The following GPR149 variants were observed in gnomAD, a reference collection of about 807,000 sequenced individuals.
The protein encoded by GPR149 is probable G protein-coupled receptor 149.
Under a neutral mutation model 50.2 loss-of-function variants are expected in GPR149, and 50 were observed. The observed-to-expected ratio is 1.00, with a 90% CI of 0.79 to 1.26. The LOEUF (loss-of-function observed/expected upper bound fraction) is 1.26. Among genes scored for constraint, GPR149 ranks in the 50% most tolerant of loss-of-function variants. The pLI, the probability that GPR149 is intolerant of heterozygous loss-of-function variation, is 0.00. For missense variants in GPR149, 983 were observed against 895.4 expected (o/e 1.10, Z -1.25); for synonymous variants, 405 against 358.2 (o/e 1.13, Z -1.48).
intron 3 of GPR149, among the ~76,000 whole-genome samples, chr3:154,340,999 C>T (rs954811776): frequency 6.6e-6 from 1 of 152,116 alleles, no homozygotes. Flanking sequence ...GGATTACAGG[C>T]GTGAGCCATC....
intron 3 of GPR149, among the ~76,000 whole-genome samples, chr3:154,361,868 G>T (rs1714414688): frequency 6.6e-6 from 1 of 152,108 alleles, no homozygotes; most frequent in Non-Finnish European, 1.5e-5. Flanking sequence ...GTCTTAGATT[G>T]GTGCTGAACT....
chr3:154,427,749 A>C, intron 1 of GPR149, 41 bp from the exon 2 acceptor site: 1 of 1,552,270 alleles, frequency 6.4e-7, no homozygotes, highest in Non-Finnish European at 8.7e-7. Flanking sequence ...CTAAAATTAT[A>C]CTTTGTACTT....
In GPR149 at chr3:154,421,156, A is replaced by G; in HGVS notation, c.1506T>C (p.Tyr502=). ...FSDKTGGDIN[Y]EETTFSEGPE... is the part of the protein sequence containing the mutation. ...GCCCTTCAGAAAAGGTAGTTTCTTCATAGTTAATATCACCTCCTGTTTTGT... is the reference window on the plus strand; with the variant it reads ...GCCCTTCAGAAAAGGTAGTTTCTTCGTAGTTAATATCACCTCCTGTTTTGT... Residue 502 remains tyrosine, a synonymous_variant, in exon 3 of 4, where the codon TAT becomes TAC. Transcript: ENST00000389740. 6.2e-7 allele frequency: 1 copy of G among 1,613,436 alleles called. No homozygotes were observed. The highest frequency in any genetic ancestry group is 8.5e-7 in the Non-Finnish European group (1 of 1,179,558).
In GPR149 at chr3:154,420,873, C is replaced by T. The variant is rs1712121232; in HGVS notation, c.1623+166G>A. Among the ~76,000 whole-genome samples the T allele has an allele frequency of 2.0e-5, 3 of 151,810 alleles. No homozygotes were observed. The South Asian group carries it at 6.2e-4, about 31-fold the overall frequency. ...AACTGATTAAAAGAATTAAAAAGTCCTTCAAAAGAGACCTTGAAATAAAAT... is the reference window on the plus strand; with the variant it reads ...AACTGATTAAAAGAATTAAAAAGTCTTTCAAAAGAGACCTTGAAATAAAAT... On this transcript the variant is annotated intron_variant, in intron 3 of 3. Transcript: ENST00000389740.
chr3:154,341,994 C>A (rs1051698488), intron 3 of GPR149, among the ~76,000 whole-genome samples: 1 of 152,102 alleles, frequency 6.6e-6, no homozygotes, highest in South Asian at 2.1e-4. Flanking sequence ...AAACTTCTTA[C>A]ATATTATTAG....
intron 3 of GPR149, among the ~76,000 whole-genome samples, chr3:154,417,211 A>G (rs1172956891): frequency 6.6e-6 from 1 of 152,020 alleles, no homozygotes; most frequent in African/African-American, 2.4e-5. Flanking sequence ...TTTCTTCTGA[A>G]CTTTCAAAAT....
In GPR149 at chr3:154,428,541, C is replaced by T. The variant is rs1318232073; in HGVS notation, c.981+94G>A. ...TGGAAGCGGACTTCACTGTGTGTCT[C>T]TTGGTGACTCCCCAAACCGGCGACG... is the stretch of plus-strand genomic sequence containing the variant. On this transcript the variant is annotated intron_variant, in intron 1 of 3. Transcript: ENST00000389740. 3 of 1,379,168 alleles carry T rather than the reference C, an allele frequency of 2.2e-6. No individual in the cohort carries two copies. In the African/African-American group the frequency reaches 4.4e-5, roughly 20 times the overall value. 85.4% of individuals were successfully genotyped at this position (1,379,168 alleles called of 1,614,324 possible). A position where few individuals can be genotyped will look rare whatever the true frequency, so the allele number is the denominator to read the frequency against.
chr3:154,380,351 G>A (rs992446573), intron 3 of GPR149, among the ~76,000 whole-genome samples: 16 of 152,040 alleles, frequency 1.1e-4, no homozygotes, highest in Admixed American at 6.6e-4. Flanking sequence ...AAAAATTATT[G>A]TTTGGTGTAA....
chr3:154,355,360 T>C (rs1714194152), intron 3 of GPR149, among the ~76,000 whole-genome samples: 1 of 152,234 alleles, frequency 6.6e-6, no homozygotes, highest in African/African-American at 2.4e-5. Flanking sequence ...TGTATTCTCA[T>C]ATTTTCAATT....
rs1377173040 is a variant in GPR149, at chr3:154,380,513, C to T, written c.1623+40526G>A. 3.9e-5 allele frequency among the ~76,000 whole-genome samples: 6 copies of T among 152,166 alleles called. 1 individual carries two copies. Among genetic ancestry groups the T allele is most frequent in the Admixed American group, 3.9e-4 (6 of 15,266 alleles). Reference sequence around the variant, plus strand: ...CGGAACTGCCTCTACACTATTCCTACATTTATATGATTGCACTAAATTATT... The same window carrying T: ...CGGAACTGCCTCTACACTATTCCTATATTTATATGATTGCACTAAATTATT... On this transcript the variant is annotated intron_variant, in intron 3 of 3. Coordinates refer to ENST00000389740, the MANE Select transcript of GPR149 (RefSeq NM_001038705.3).
intron 3 of GPR149, among the ~76,000 whole-genome samples, chr3:154,372,919 A>C (rs1576911190): frequency 6.6e-6 from 1 of 152,150 alleles, no homozygotes; most frequent in East Asian, 1.9e-4. Flanking sequence ...TGGGTTCAGG[A>C]GAAGATAATA....
At chr3:154,422,214 T>A (rs1019939502) in intron 2 of GPR149, among the ~76,000 whole-genome samples, 1 of 151,622 alleles carries the variant, frequency 6.6e-6, no homozygotes, top group Non-Finnish European at 1.5e-5. Flanking sequence ...CTTTTTATGA[T>A]TTAAATCAGG....
intron 3 of GPR149, among the ~76,000 whole-genome samples, chr3:154,356,985 T>C (rs1714250886): frequency 6.6e-6 from 1 of 152,060 alleles, no homozygotes; most frequent in Admixed American, 6.6e-5. Context: ...AAAACAGAGA[T>C]ATAGACCAAT....
At position 154,413,897 on chromosome 3, in the gene GPR149, C is replaced by T. The variant is rs1038520472; in HGVS notation, c.1623+7142G>A. 6.6e-5 allele frequency among the ~76,000 whole-genome samples: 10 copies of T among 151,522 alleles called. No individual in the cohort carries two copies. In the South Asian group the frequency reaches 2.1e-3, roughly 31 times the overall value. On this transcript the variant is annotated intron_variant, in intron 3 of 3. Transcript: ENST00000389740. The stretch of plus-strand genomic sequence containing the variant: ...AATTTGTAATCTCAAAAATATGGAA[C>T]TGGCCCAAAAGCCCAACAATCAACG...
intron 3 of GPR149, among the ~76,000 whole-genome samples, chr3:154,340,961 C>G (rs1713777592): frequency 1.3e-5 from 2 of 152,104 alleles, no homozygotes; most frequent in Non-Finnish European, 2.9e-5. Context: ...ACCTCATGAA[C>G]TCCCTGCCTC....
At chr3:154,358,261 GCA>G (rs1305473921) in intron 3 of GPR149, among the ~76,000 whole-genome samples, 22 of 151,978 alleles carry the variant, frequency 1.4e-4, no homozygotes, top group African/African-American at 5.1e-4. Flanking sequence ...TGCGCATTGT[GCA>G]CATGTACCCT....
At chr3:154,410,333 G>C in intron 3 of GPR149, among the ~76,000 whole-genome samples, 1 of 151,948 alleles carries the variant, frequency 6.6e-6, no homozygotes, top group East Asian at 1.9e-4. Flanking sequence ...AAAAAACCAA[G>C]TTATTCAGGC....
At chr3:154,368,709 G>A (rs1243871407) in intron 3 of GPR149, among the ~76,000 whole-genome samples, 1 of 152,184 alleles carries the variant, frequency 6.6e-6, no homozygotes, top group African/African-American at 2.4e-5. Context: ...GGCAAGTGGG[G>A]ACAGAAGGCT....
intron 3 of GPR149, among the ~76,000 whole-genome samples, chr3:154,345,038 G>A (rs559506676): frequency 1.7e-4 from 26 of 152,312 alleles, no homozygotes; most frequent in Admixed American, 1.1e-3. Context: ...CACATGTGAT[G>A]TAATCTCTTC....
Sources: allele counts gnomAD v4.1 joint callset (sites outside exome capture counted in the v4.1 genomes callset), GRCh38; gene constraint gnomAD v4.1.1; transcripts MANE v1.5; gene names NCBI Gene and HGNC (gene_info 2026-07-23, HGNC 2026-07-21).